ZNF804B: variants seen among roughly 807,000 people sequenced by gnomAD.
ZNF804B encodes the protein zinc finger protein 804B.
A neutral mutation model predicts 101.4 loss-of-function variants in ZNF804B; 80 were observed. The observed-to-expected ratio is 0.79, with a 90% CI of 0.66 to 0.95. The LOEUF (loss-of-function observed/expected upper bound fraction) is 0.95, where lower values mean the gene tolerates loss of function less well. Ranked by LOEUF, ZNF804B falls within the 40% of genes least tolerant of loss-of-function variation. ZNF804B has a pLI of 0.00. For synonymous variants in ZNF804B, 622 were observed against 558.8 expected (o/e 1.11, Z -1.59); for missense variants, 1,673 against 1,561.9 (o/e 1.07, Z -1.20).
intron 1 of ZNF804B, among the ~76,000 whole-genome samples, chr7:89,142,079 T>G (rs773218536): frequency 3.7e-4 from 56 of 151,694 alleles, no homozygotes; most frequent in Non-Finnish European, 6.6e-4. Flanking sequence ...CTTTAAAGAT[T>G]TTTTTAAGAT....
chr7:89,315,374 A>G (rs1346342919), intron 2 of ZNF804B, among the ~76,000 whole-genome samples: 4 of 152,162 alleles, frequency 2.6e-5, no homozygotes, highest in Admixed American at 2.0e-4. Context: ...CAAGGTAAGC[A>G]AGTGATTATT....
chr7:89,073,757 T>G (rs1285974654), intron 1 of ZNF804B, among the ~76,000 whole-genome samples: 2 of 152,196 alleles, frequency 1.3e-5, no homozygotes, highest in Non-Finnish European at 2.9e-5. Flanking sequence ...GTGTACATCT[T>G]AAAATACTTT....
chr7:89,094,723 T>A (rs1243961211), intron 1 of ZNF804B, among the ~76,000 whole-genome samples: 2 of 152,180 alleles, frequency 1.3e-5, no homozygotes, highest in East Asian at 3.8e-4. Flanking sequence ...GATGATTAAT[T>A]TTCAGTTAAA....
chr7:89,143,450 T>G (rs551510514), intron 1 of ZNF804B, among the ~76,000 whole-genome samples: 2 of 151,976 alleles, frequency 1.3e-5, no homozygotes, highest in Non-Finnish European at 2.9e-5. Context: ...CTAATATCTA[T>G]CTAACTACCT....
chr7:89,066,294 C>A (rs1789453812), intron 1 of ZNF804B, among the ~76,000 whole-genome samples: 1 of 151,998 alleles, frequency 6.6e-6, no homozygotes, highest in Non-Finnish European at 1.5e-5. Context: ...GCCTGTTATG[C>A]TAACTCACTC....
At chr7:89,122,434 C>T (rs543605705) in intron 1 of ZNF804B, among the ~76,000 whole-genome samples, 5 of 152,164 alleles carry the variant, frequency 3.3e-5, no homozygotes, top group East Asian at 1.9e-4. Flanking sequence ...TTATTACTAA[C>T]GTTGTTTAGA....
intron 1 of ZNF804B, among the ~76,000 whole-genome samples, chr7:88,792,655 T>A (rs1189188037): frequency 6.6e-6 from 1 of 152,114 alleles, no homozygotes; most frequent in African/African-American, 2.4e-5. Flanking sequence ...TTTTTCACAG[T>A]TCAAAGAATA....
At position 89,114,659 on chromosome 7, in the gene ZNF804B, G is replaced by A. The variant is rs187064365; in HGVS notation, c.109-103496G>A. Among the ~76,000 whole-genome samples, 115 of 152,270 alleles carry A rather than the reference G, an allele frequency of 7.6e-4. 1 individual carries two copies. The highest frequency in any genetic ancestry group is 1.4e-3 in the Non-Finnish European group (95 of 68,028). ...AATGCAGGTAATTGATTACACAGAT[G>A]TGAAAAGGCCTGAAAAAACAGAATA... On this transcript the variant is annotated intron_variant, in intron 1 of 3. Coordinates refer to ENST00000333190, the MANE Select transcript of ZNF804B (RefSeq NM_181646.5).
intron 1 of ZNF804B, among the ~76,000 whole-genome samples, chr7:88,912,062 T>C (rs1359424502): frequency 6.6e-6 from 1 of 151,904 alleles, no homozygotes; most frequent in Non-Finnish European, 1.5e-5. Flanking sequence ...AATGAGAAAA[T>C]GGTTGGTGTG....
At chr7:89,158,885 T>C (rs1377777976) in intron 1 of ZNF804B, among the ~76,000 whole-genome samples, 7 of 152,124 alleles carry the variant, frequency 4.6e-5, no homozygotes, top group Admixed American at 4.6e-4. Flanking sequence ...CCCCCAAAAA[T>C]TGAACCTCTC....
intron 2 of ZNF804B, among the ~76,000 whole-genome samples, chr7:89,319,648 C>T (rs1435726386): frequency 6.6e-6 from 1 of 152,176 alleles, no homozygotes; most frequent in East Asian, 1.9e-4. Context: ...AAGTACTACA[C>T]AGTAGCAATG....
chr7:88,991,929 C>T (rs1793853519), intron 1 of ZNF804B, among the ~76,000 whole-genome samples: 1 of 152,092 alleles, frequency 6.6e-6, no homozygotes, highest in Admixed American at 6.6e-5. Flanking sequence ...TAAAATGAGG[C>T]AAAAAATTAC....
At chr7:89,022,427 T>G (rs1788681373) in intron 1 of ZNF804B, among the ~76,000 whole-genome samples, 1 of 152,222 alleles carries the variant, frequency 6.6e-6, no homozygotes, top group Admixed American at 6.5e-5. Context: ...GAGATGATCC[T>G]GATTTTCTTT....
At chr7:88,818,843 T>C (rs17164545) in intron 1 of ZNF804B, among the ~76,000 whole-genome samples, 13,836 of 152,174 alleles carry the variant, frequency 0.091, 737 homozygotes, top group East Asian at 0.25. Flanking sequence ...GCTCATGAAA[T>C]CACTCAATGA....
intron 1 of ZNF804B, among the ~76,000 whole-genome samples, chr7:89,169,874 C>A (rs913105268): frequency 6.6e-6 from 1 of 152,062 alleles, no homozygotes; most frequent in South Asian, 2.1e-4. Context: ...GGATGGTATA[C>A]CTGTCACCTC....
intron 1 of ZNF804B, among the ~76,000 whole-genome samples, chr7:88,916,660 C>T (rs1338584282): frequency 6.6e-6 from 1 of 152,000 alleles, no homozygotes. Flanking sequence ...TAGATTATAT[C>T]AAACTTTTCT....
intron 1 of ZNF804B, among the ~76,000 whole-genome samples, chr7:88,903,819 C>T (rs1474341855): frequency 6.6e-6 from 1 of 151,848 alleles, no homozygotes. Context: ...TTGTTTGTTG[C>T]TTTAAGCTCC....
chr7:89,271,747 G>A (rs1321073125), intron 2 of ZNF804B, among the ~76,000 whole-genome samples: 1 of 152,012 alleles, frequency 6.6e-6, no homozygotes, highest in East Asian at 1.9e-4. Context: ...CAATTTCAGA[G>A]CCTGTTACTG....
At chr7:89,117,535 A>T (rs548469715) in intron 1 of ZNF804B, among the ~76,000 whole-genome samples, 2 of 152,344 alleles carry the variant, frequency 1.3e-5, no homozygotes, top group African/African-American at 4.8e-5. Flanking sequence ...CCAATCACTA[A>T]TCAAAAAGCA....
Sources: gnomAD v4.1 joint callset for allele counts (sites outside exome capture counted in the v4.1 genomes callset) on GRCh38, gnomAD v4.1.1 for gene constraint, MANE v1.5 for transcripts, NCBI Gene and HGNC (gene_info 2026-07-23, HGNC 2026-07-21) for gene names.